The following TTLL7 variants were observed in gnomAD, a reference collection of about 807,000 sequenced individuals.
TTLL7 encodes the protein tubulin tyrosine ligase like 7, also known as tubulin polyglutamylase TTLL7.
A neutral mutation model predicts 120.2 loss-of-function variants in TTLL7; 53 were observed. That is an observed-to-expected ratio of 0.44 (90% confidence interval 0.35 to 0.55). The LOEUF is 0.55. TTLL7 is among the 20% of genes least tolerant of loss of function. The pLI, the probability that TTLL7 is intolerant of heterozygous loss-of-function variation, is 0.00. For missense variants in TTLL7, 803 were observed against 1,054.7 expected (o/e 0.76, Z 3.31); for synonymous variants, 353 against 351.7 (o/e 1.00, Z -0.04).
chr1:83,905,453 G>A (rs1470948908), intron 17 of TTLL7, among the ~76,000 whole-genome samples: 1 of 150,784 alleles, frequency 6.6e-6, no homozygotes, highest in African/African-American at 2.4e-5. Flanking sequence ...GCTAAAAAAC[G>A]AAAATGCCAA....
chr1:83,982,374 GA>G (rs920798678), intron 1 of TTLL7, among the ~76,000 whole-genome samples: 7 of 150,252 alleles, frequency 4.7e-5, no homozygotes, highest in Admixed American at 1.3e-4. Flanking sequence ...GCAAGAGGGA[GA>G]AAAAAAATCC....
intron 15 of TTLL7, among the ~76,000 whole-genome samples, chr1:83,910,409 A>G (rs1657576999): frequency 6.6e-6 from 1 of 152,134 alleles, no homozygotes; most frequent in South Asian, 2.1e-4. Context: ...AGCATCAGGA[A>G]GGGGTTTTCC....
At chr1:83,994,232 A>G (rs368736603) in intron 1 of TTLL7, among the ~76,000 whole-genome samples, 11 of 152,204 alleles carry the variant, frequency 7.2e-5, no homozygotes, top group Non-Finnish European at 1.2e-4. Context: ...GACTGATGGC[A>G]TAGTATAAGA....
At chr1:83,874,495 G>T (rs1422320903) in intron 20 of TTLL7, among the ~76,000 whole-genome samples, 1 of 151,950 alleles carries the variant, frequency 6.6e-6, no homozygotes, top group East Asian at 1.9e-4. Context: ...ACACCTCGGG[G>T]TAGAATTGCT....
intron 1 of TTLL7, among the ~76,000 whole-genome samples, chr1:83,956,100 T>TA (rs914501825): frequency 1.3e-5 from 2 of 152,092 alleles, no homozygotes; most frequent in Non-Finnish European, 2.9e-5. Context: ...CTTTTCACTT[T>TA]AAAAAAATTT....
At chr1:83,949,556 G>T in intron 4 of TTLL7, 1 of 272,068 alleles carries the variant, frequency 3.7e-6, no homozygotes. Context: ...TCAATCTCTT[G>T]ACCTCGTGAT....
chr1:83,909,842 A>G (rs1657529844), intron 15 of TTLL7, among the ~76,000 whole-genome samples: 1 of 152,090 alleles, frequency 6.6e-6, no homozygotes, highest in South Asian at 2.1e-4. Context: ...GCTAACAGGA[A>G]AGGGAATTAA....
At chr1:83,941,799 ATATGT>A (rs530132838) in intron 7 of TTLL7, among the ~76,000 whole-genome samples, 14 of 152,186 alleles carry the variant, frequency 9.2e-5, no homozygotes, top group East Asian at 5.8e-4. Context: ...ACTTTTATAA[ATATGT>A]TATGGCTGCA....
chr1:83,990,978 T>C (rs1652940897), intron 1 of TTLL7, among the ~76,000 whole-genome samples: 1 of 152,188 alleles, frequency 6.6e-6, no homozygotes, highest in Non-Finnish European at 1.5e-5. Flanking sequence ...GATAAACAAA[T>C]GTGGTACATA....
chr1:83,986,559 A>C (rs1234313846), intron 1 of TTLL7, among the ~76,000 whole-genome samples: 1 of 152,226 alleles, frequency 6.6e-6, no homozygotes, highest in Non-Finnish European at 1.5e-5. Context: ...ATTAAGAAGA[A>C]GGCAGCCAGG....
At chr1:83,903,796 T>C (rs890118420) in intron 18 of TTLL7, among the ~76,000 whole-genome samples, 1 of 152,020 alleles carries the variant, frequency 6.6e-6, no homozygotes, top group Non-Finnish European at 1.5e-5. Context: ...CCCACAGACA[T>C]AGAAGGCTGA....
At chr1:83,972,318 A>C (rs778995372) in intron 1 of TTLL7, among the ~76,000 whole-genome samples, 1 of 151,878 alleles carries the variant, frequency 6.6e-6, no homozygotes, top group Non-Finnish European at 1.5e-5. Context: ...CTATCTCCAC[A>C]GTTTTGTCTT....
At chr1:83,968,181 A>G (rs1650656144) in intron 1 of TTLL7, among the ~76,000 whole-genome samples, 1 of 152,088 alleles carries the variant, frequency 6.6e-6, no homozygotes, top group African/African-American at 2.4e-5. Flanking sequence ...ACTCAGTGGC[A>G]AATAATAGTG....
intron 18 of TTLL7, among the ~76,000 whole-genome samples, chr1:83,902,683 TTGAAACTCGAGGTAG>T (rs1167678144): frequency 6.6e-6 from 1 of 151,996 alleles, no homozygotes; most frequent in East Asian, 1.9e-4. Flanking sequence ...GCCTCAGTCC[TTGAAACTCGAGGTAG>T]TTTCATCTAG....
At chr1:83,957,808 G>A (rs540071556) in intron 1 of TTLL7, among the ~76,000 whole-genome samples, 1 of 152,330 alleles carries the variant, frequency 6.6e-6, no homozygotes, top group East Asian at 1.9e-4. Flanking sequence ...ATAGTGAGAA[G>A]GCAGTCCTCT....
intron 1 of TTLL7, among the ~76,000 whole-genome samples, chr1:83,952,614 T>C (rs1571293730): frequency 6.6e-6 from 1 of 152,180 alleles, no homozygotes; most frequent in African/African-American, 2.4e-5. Flanking sequence ...ACGTGTCACA[T>C]GTATATTCAA....
Position 83,917,604 on chromosome 1 carries a change from C to A in TTLL7, c.1587G>T (p.Lys529Asn). The A allele has an allele frequency of 6.2e-7, 1 of 1,607,876 alleles. No homozygotes were observed. Among genetic ancestry groups the A allele is most frequent in the Non-Finnish European group, 8.5e-7 (1 of 1,174,540 alleles). The change falls in exon 14 of 21, where the codon AAG (lysine) becomes AAT (asparagine). Residue 529 changes from lysine (K) to asparagine (N), a missense_variant and splice_region_variant. Coordinates refer to ENST00000260505, the MANE Select transcript of TTLL7 (RefSeq NM_024686.6). The part of the protein sequence containing the change: ...MGKTTKTRGP[K>N]PLCSMPESTE... ...TAAGGAAGGTAGAGATATACTGCAC[C>A]TTTGGTCCTCGAGTCTTGGTAGTTT...
At chr1:83,987,235 A>C (rs1425097922) in intron 1 of TTLL7, among the ~76,000 whole-genome samples, 1 of 151,654 alleles carries the variant, frequency 6.6e-6, no homozygotes, top group Non-Finnish European at 1.5e-5. Context: ...TTGTGCAGGA[A>C]GGTTTACATG....
chr1:83,951,903 T>C lies in TTLL7; in HGVS notation c.99A>G (p.Arg33=), dbSNP rs2100863287. 1.2e-6 allele frequency: 2 copies of C among 1,613,696 alleles called. No homozygotes were observed. The highest frequency in any genetic ancestry group is 1.1e-5 in the South Asian group (1 of 90,948). Residue 33 remains arginine (R), a synonymous_variant, in exon 3 of 21, where the codon AGA becomes AGG. Coordinates refer to ENST00000260505, the MANE Select transcript of TTLL7 (RefSeq NM_024686.6). ...PYQSTMKRKV[R]KKKKKGTITA... ...TAATGGTTCCCTTCTTTTTCTTCTT[T>C]CTGACTTTCCTTTTCATTGTGCTTT...
Sources: gnomAD v4.1 joint callset for allele counts (sites outside exome capture counted in the v4.1 genomes callset) on GRCh38, gnomAD v4.1.1 for gene constraint, MANE v1.5 for transcripts, NCBI Gene and HGNC (gene_info 2026-07-23, HGNC 2026-07-21) for gene names.